The following CD2AP variants were observed in gnomAD, a reference collection of about 807,000 sequenced individuals.
CD2AP encodes CD2 associated protein, also known as CD2-associated protein.
A neutral mutation model predicts 85.1 loss-of-function variants in CD2AP; 46 were observed. The ratio of observed to expected loss-of-function variants is 0.54; its 90% CI spans 0.43 to 0.69. The LOEUF (loss-of-function observed/expected upper bound fraction) is 0.69, where lower values mean the gene tolerates loss of function less well. Ranked by LOEUF, CD2AP falls within the 30% of genes least tolerant of loss-of-function variation. The pLI, the probability that CD2AP is intolerant of heterozygous loss-of-function variation, is 0.00. For synonymous variants in CD2AP, 255 were observed against 252.9 expected, an observed-to-expected ratio of 1.01 and a Z score of -0.08; for missense variants, 769 against 729.5, an observed-to-expected ratio of 1.05 and a Z score of -0.62.
chr6:47,551,916 C>T (rs1483113538), intron 4 of CD2AP, among the ~76,000 whole-genome samples: 1 of 152,122 alleles, frequency 6.6e-6, no homozygotes, highest in African/African-American at 2.4e-5. Context: ...TATGGCAGTT[C>T]ACGGCTCTTA....
At position 47,591,989 on chromosome 6, in the gene CD2AP, T is replaced by C. The variant is rs6935601; in HGVS notation, c.1109-3872T>C. Among the ~76,000 whole-genome samples the C allele has an allele frequency of 4.5e-3, 689 of 152,092 alleles. 7 individuals are homozygous for C. Among genetic ancestry groups the C allele is most frequent in the African/African-American group, 0.016 (646 of 41,494 alleles). On this transcript the variant is annotated intron_variant, in intron 11 of 17. Transcript: ENST00000359314. ...AAAGGTACATGTCACCATAACTGGC[T>C]AATTTTTTAATTTATTTTTTTCTTT... is the stretch of plus-strand genomic sequence containing the variant.
At chr6:47,609,355 G>T (rs776427081) in intron 16 of CD2AP, 51 bp downstream of exon 16, 6 of 1,440,066 alleles carry the variant, frequency 4.2e-6, no homozygotes, top group Middle Eastern at 2.1e-4. Flanking sequence ...CATGCATAAA[G>T]AATTTTTTTC....
At chr6:47,543,492 T>C (rs927841604) in intron 3 of CD2AP, among the ~76,000 whole-genome samples, 2 of 152,198 alleles carry the variant, frequency 1.3e-5, no homozygotes, top group Non-Finnish European at 2.9e-5. Context: ...AGATTTATCT[T>C]CTCACAGTTT....
chr6:47,615,816 T>A lies in CD2AP; in HGVS notation c.1878+3280T>A, dbSNP rs1349242469. Among the ~76,000 whole-genome samples, 387 of 149,360 alleles carry A rather than the reference T, an allele frequency of 2.6e-3. 1 individual carries two copies. The highest frequency in any genetic ancestry group is 6.1e-3 in the South Asian group (29 of 4,722). On this transcript the variant is annotated intron_variant, in intron 17 of 17. Transcript: ENST00000359314. ...TAATTTATTTATTTATTTATTTATT[T>A]ATTTATTTATTTATTAGCAGTGGTA... is the stretch of plus-strand genomic sequence containing the variant.
chr6:47,543,066 G>T (rs920651640), intron 3 of CD2AP, among the ~76,000 whole-genome samples: 1 of 144,398 alleles, frequency 6.9e-6, no homozygotes, highest in Non-Finnish European at 1.5e-5. Context: ...CAGGAGAATC[G>T]CTTGAACTCG....
At chr6:47,515,015 G>C (rs1471478699) in intron 2 of CD2AP, among the ~76,000 whole-genome samples, 1 of 150,952 alleles carries the variant, frequency 6.6e-6, no homozygotes, top group African/African-American at 2.4e-5. Context: ...TCACTCCACT[G>C]CACTCCAGCC....
At chr6:47,610,961 A>G (rs1478886025) in intron 16 of CD2AP, among the ~76,000 whole-genome samples, 2 of 102,730 alleles carry the variant, frequency 1.9e-5, no homozygotes, top group African/African-American at 8.0e-5. Context: ...ATATATATAT[A>G]TATATATGTA....
Position 47,574,084 on chromosome 6 carries a change from A to G in CD2AP, c.562A>G (p.Thr188Ala). Residue 188 changes from threonine (T) to alanine (A), a missense_variant, in exon 6 of 18, where the codon ACT (threonine) becomes GCT (alanine). Thr to Ala is a moderately conservative substitution (Grantham distance 58). Transcript: ENST00000359314. The part of the protein sequence containing the change: ...DDSETVLAGP[T>A]SPIPSLGNVS... Reference sequence around the variant, plus strand: ...TTCAGAAACTGTTTTGGCTGGGCCTACTTCACCTATACCTTCTCTGGGAAA... The same window carrying G: ...TTCAGAAACTGTTTTGGCTGGGCCTGCTTCACCTATACCTTCTCTGGGAAA... 2 of 1,614,078 alleles carry G rather than the reference A, an allele frequency of 1.2e-6. No individual in the cohort carries two copies. The highest frequency in any genetic ancestry group is 1.1e-5 in the South Asian group (1 of 91,088).
At chr6:47,555,468 A>T (rs1368145732) in intron 5 of CD2AP, among the ~76,000 whole-genome samples, 1 of 152,208 alleles carries the variant, frequency 6.6e-6, no homozygotes, top group Non-Finnish European at 1.5e-5. Flanking sequence ...TGCATTAGCT[A>T]ATATTATTTG....
intron 4 of CD2AP, among the ~76,000 whole-genome samples, chr6:47,551,023 G>A (rs570110518): frequency 6.6e-6 from 1 of 152,194 alleles, no homozygotes; most frequent in African/African-American, 2.4e-5. Flanking sequence ...GGACTTTGGG[G>A]CCTCGGGGGA....
At position 47,533,602 on chromosome 6, in the gene CD2AP, GA is replaced by G. The variant is rs1766947884; in HGVS notation, c.169del (p.Ile57LeufsTer22). The G allele has an allele frequency of 6.2e-7, 1 of 1,613,168 alleles. No individual in the cohort carries two copies. Among genetic ancestry groups the G allele is most frequent in the African/African-American group, 1.3e-5 (1 of 74,844 alleles). ...TCTTTATTTATTTTCCCTTTTGTAG[GA>G]AATTAAAAGAGAGACGGAATTCAAG... ...RGMFPDNFVK[E>X]IKRETEFKDD... On this transcript the variant is annotated frameshift_variant and splice_region_variant, in exon 3 of 18. Transcript: ENST00000359314. LOFTEE classifies it high-confidence loss of function.
At chr6:47,551,253 A>G (rs1767515488) in intron 4 of CD2AP, among the ~76,000 whole-genome samples, 1 of 152,168 alleles carries the variant, frequency 6.6e-6, no homozygotes, top group South Asian at 2.1e-4. Flanking sequence ...AGGAGTATTA[A>G]AGTTTAATTT....
chr6:47,557,926 A>G (rs567358569), intron 5 of CD2AP, among the ~76,000 whole-genome samples: 1 of 152,264 alleles, frequency 6.6e-6, no homozygotes, highest in East Asian at 1.9e-4. Flanking sequence ...CAGTATGGCC[A>G]TTTTCATGAT....
At chr6:47,504,177 C>G (rs1387700595) in intron 2 of CD2AP, among the ~76,000 whole-genome samples, 1 of 152,196 alleles carries the variant, frequency 6.6e-6, no homozygotes, top group Admixed American at 6.5e-5. Context: ...TGTATTTACA[C>G]ATCAGTTATA....
chr6:47,502,285 A>G (rs1441218059), intron 1 of CD2AP, among the ~76,000 whole-genome samples: 1 of 151,922 alleles, frequency 6.6e-6, no homozygotes, highest in Non-Finnish European at 1.5e-5. Context: ...AAGTAATTAC[A>G]TACAATTCAT....
chr6:47,493,855 C>A (rs1765792231), intron 1 of CD2AP, among the ~76,000 whole-genome samples: 1 of 152,116 alleles, frequency 6.6e-6, no homozygotes, highest in Non-Finnish European at 1.5e-5. Flanking sequence ...CTGATGAATG[C>A]ATCAGTGTTG....
intron 3 of CD2AP, among the ~76,000 whole-genome samples, chr6:47,535,240 A>G (rs1470433788): frequency 6.6e-6 from 1 of 152,210 alleles, no homozygotes; most frequent in Non-Finnish European, 1.5e-5. Context: ...AAAATTCAAA[A>G]AACTGCAACC....
chr6:47,512,368 TG>T (rs1766341408), intron 2 of CD2AP, among the ~76,000 whole-genome samples: 1 of 152,044 alleles, frequency 6.6e-6, no homozygotes, highest in South Asian at 2.1e-4. Flanking sequence ...AAAAGGTGCA[TG>T]TTATTTTGTA....
At chr6:47,580,355 G>GA (rs1034484563) in intron 9 of CD2AP, among the ~76,000 whole-genome samples, 1 of 151,876 alleles carries the variant, frequency 6.6e-6, no homozygotes, top group Non-Finnish European at 1.5e-5. Flanking sequence ...TATAAATTGA[G>GA]AAAAAACATG....
Sources: allele counts gnomAD v4.1 joint callset (sites outside exome capture counted in the v4.1 genomes callset), GRCh38; gene constraint gnomAD v4.1.1; transcripts MANE v1.5; gene names NCBI Gene and HGNC (gene_info 2026-07-23, HGNC 2026-07-21).